The following SMARCD3 variants were observed in gnomAD, a reference collection of about 807,000 sequenced individuals.
SMARCD3 encodes SWI/SNF-related matrix-associated actin-dependent regulator of chromatin subfamily D member 3.
SMARCD3 carries 14 observed loss-of-function variants against 58.0 expected under a neutral mutation model. The ratio of observed to expected loss-of-function variants is 0.24; its 90% CI spans 0.16 to 0.38. SMARCD3 has a LOEUF of 0.38. Among genes scored for constraint, SMARCD3 ranks in the 10% least tolerant of loss-of-function variants. The pLI, the probability that SMARCD3 is intolerant of heterozygous loss-of-function variation, is 1.00. For synonymous variants in SMARCD3, 253 were observed against 253.8 expected (o/e 1.00, Z 0.03); for missense variants, 408 against 636.9 (o/e 0.64, Z 3.87).
intron 2 of SMARCD3, among the ~76,000 whole-genome samples, chr7:151,258,785 G>A (rs73169681): frequency 0.11 from 17,203 of 151,786 alleles, 1,385 homozygotes; most frequent in Non-Finnish European, 0.16. Flanking sequence ...GCTCCCTGTG[G>A]TGCTTTGGAA....
At position 151,239,123 on chromosome 7, in the gene SMARCD3, G is replaced by A; in HGVS notation, c.1432C>T (p.Leu478=). 6.2e-7 allele frequency: 1 copy of A among 1,614,194 alleles called. No homozygotes were observed. Among genetic ancestry groups the A allele is most frequent in the Non-Finnish European group, 8.5e-7 (1 of 1,180,032 alleles). Residue 478 remains leucine (L), a synonymous_variant, in exon 13 of 13, where the codon CTG becomes TTG. Coordinates refer to ENST00000262188, the MANE Select transcript of SMARCD3 (RefSeq NM_001003801.2). This position sits in a 1 kb window ranked among gnomAD's most constrained non-coding sequence, Gnocchi z 7.0. ...GGCTCCTAGGTGTTGCGCACAACCA[G>A]CGACTGCTCCAGCTCCTGCCTGCGC... ...QQRRQELEQS[L]VVRNT
At chr7:151,250,230 G>A (rs941257012), upstream of SMARCD3, among the ~76,000 whole-genome samples, 4 of 152,024 alleles carry the variant, frequency 2.6e-5, no homozygotes, top group Non-Finnish European at 5.9e-5. Context: ...TGTCAGGGAG[G>A]ACATCTGGTC....
At chr7:151,274,055 A>G (rs540415705) in intron 2 of SMARCD3, among the ~76,000 whole-genome samples, 4 of 152,350 alleles carry the variant, frequency 2.6e-5, no homozygotes, top group African/African-American at 2.4e-5. Context: ...GCCATTTCCA[A>G]TTGCACCTTT....
At chr7:151,251,075 G>C (rs1035871604), upstream of SMARCD3, among the ~76,000 whole-genome samples, 6 of 152,118 alleles carry the variant, frequency 3.9e-5, no homozygotes, top group Admixed American at 3.9e-4. Flanking sequence ...CAGAGGAGAT[G>C]CTGGGCACTC....
rs371402018 is a variant in SMARCD3, at chr7:151,241,869, G to A, written c.777+8C>T. The A allele has an allele frequency of 6.2e-5, 100 of 1,604,586 alleles. No individual in the cohort carries two copies. Among genetic ancestry groups the A allele is most frequent in the Non-Finnish European group, 7.9e-5 (93 of 1,174,724 alleles). On this transcript the variant is annotated splice_region_variant and intron_variant, in intron 7 of 12. Coordinates refer to ENST00000262188, the MANE Select transcript of SMARCD3 (RefSeq NM_001003801.2). This position sits in a 1 kb window ranked among gnomAD's most constrained non-coding sequence, Gnocchi z 5.3. Reference sequence around the variant, plus strand: ...TGGCGTGTACGGGGCAGCATGGCAGGTGCAGACCTGGTAGTCCAGCATGAG... The same window carrying A: ...TGGCGTGTACGGGGCAGCATGGCAGATGCAGACCTGGTAGTCCAGCATGAG...
chr7:151,258,024 T>C (rs555716613), intron 2 of SMARCD3, among the ~76,000 whole-genome samples: 5 of 152,062 alleles, frequency 3.3e-5, no homozygotes, highest in African/African-American at 1.2e-4. Flanking sequence ...TCAAACCCCA[T>C]CCTCCGCCCA....
intron 1 of SMARCD3, among the ~76,000 whole-genome samples, chr7:151,247,660 A>G (rs1269644438): frequency 6.6e-6 from 1 of 151,906 alleles, no homozygotes; most frequent in Non-Finnish European, 1.5e-5. Context: ...ACCCATCCCA[A>G]GAGTCGCAGC....
chr7:151,246,785 G>T lies in SMARCD3; in HGVS notation c.79-1114C>A, dbSNP rs924596760. Among the ~76,000 whole-genome samples, 1 of 152,158 alleles carries T rather than the reference G, an allele frequency of 6.6e-6. No homozygotes were observed. The highest frequency in any genetic ancestry group is 1.9e-4 in the East Asian group (1 of 5,192). ...TGTCCAGACTCCAGAAGGGAGATGG[G>T]GAGGGCCAGAGAGAGTTTCAGGGGC... On this transcript the variant is annotated intron_variant, in intron 1 of 12. Transcript: ENST00000262188. This position sits in a 1 kb window ranked among gnomAD's most constrained non-coding sequence, Gnocchi z 4.4.
Position 151,242,446 on chromosome 7 carries a change from C to G in SMARCD3, c.579+35G>C. ...GTTCTCAGTGCAGCCCATGCCCACC[C>G]CAGGACACCTGGAGAGACCTGGGCC... On this transcript the variant is annotated intron_variant, in intron 5 of 12. Coordinates refer to ENST00000262188, the MANE Select transcript of SMARCD3 (RefSeq NM_001003801.2). The surrounding 1 kb of genome is among the most constrained non-coding windows in gnomAD (Gnocchi z 4.7). 1 of 1,607,360 alleles carries G rather than the reference C, an allele frequency of 6.2e-7. No homozygotes were observed. Among genetic ancestry groups the G allele is most frequent in the African/African-American group, 1.3e-5 (1 of 74,922 alleles).
At chr7:151,261,039 G>C (rs1803901396) in intron 2 of SMARCD3, among the ~76,000 whole-genome samples, 1 of 152,194 alleles carries the variant, frequency 6.6e-6, no homozygotes, top group African/African-American at 2.4e-5. Context: ...GACTCACCAA[G>C]GGGTGGGCGG....
intron 2 of SMARCD3, among the ~76,000 whole-genome samples, chr7:151,255,238 C>A (rs191648831): frequency 1.2e-4 from 19 of 152,280 alleles, no homozygotes; most frequent in Admixed American, 1.0e-3. Context: ...TCTCCCCAGC[C>A]CCTGAAACCC....
chr7:151,263,262 T>A (rs571127980), intron 2 of SMARCD3, among the ~76,000 whole-genome samples: 41 of 151,994 alleles, frequency 2.7e-4, no homozygotes, highest in Admixed American at 1.2e-3. Flanking sequence ...GTTTTTTTTT[T>A]AATTAAAAAA....
At chr7:151,271,234 G>A (rs1468559185) in intron 2 of SMARCD3, among the ~76,000 whole-genome samples, 1 of 152,172 alleles carries the variant, frequency 6.6e-6, no homozygotes, top group Non-Finnish European at 1.5e-5. Context: ...TGGGGTGAAG[G>A]TGCTGAAGGC....
Position 151,244,658 on chromosome 7 carries a change from A to G in SMARCD3, c.290+802T>C, listed in dbSNP as rs185844853. On this transcript the variant is annotated intron_variant, in intron 2 of 12. Transcript: ENST00000262188. ...GCTGTACAAAATGACGATGCACTTT[A>G]CTAAAGAATTCATCATGGGATTCCT... is the stretch of plus-strand genomic sequence containing the variant. 5.3e-3 allele frequency among the ~76,000 whole-genome samples: 801 copies of G among 152,382 alleles called. 3 individuals are homozygous for G. Among genetic ancestry groups the G allele is most frequent in the South Asian group, 0.012 (59 of 4,834 alleles).
At chr7:151,259,097 A>T (rs1038233652) in intron 2 of SMARCD3, among the ~76,000 whole-genome samples, 1 of 152,074 alleles carries the variant, frequency 6.6e-6, no homozygotes, top group East Asian at 1.9e-4. Context: ...CACACTTGTA[A>T]TCCCAACACT....
At chr7:151,273,418 A>G (rs542950339) in intron 2 of SMARCD3, among the ~76,000 whole-genome samples, 6 of 152,052 alleles carry the variant, frequency 3.9e-5, no homozygotes, top group Non-Finnish European at 8.8e-5. Flanking sequence ...TATTAGGAGG[A>G]CTCTCCACGT....
rs2150598551 is a variant in SMARCD3 at position 151,248,267 on chromosome 7, C to T, written c.78+218G>A. ...CCGCCCCTGACAAGAGCCATGCAAA[C>T]GCCTCCCTTCCCCGCCTCGCGTCAG... is the stretch of plus-strand genomic sequence containing the variant. On this transcript the variant is annotated intron_variant, in intron 1 of 12. Coordinates refer to ENST00000262188, the MANE Select transcript of SMARCD3 (RefSeq NM_001003801.2). This position sits in a 1 kb window ranked among gnomAD's most constrained non-coding sequence, Gnocchi z 6.1. 6.8e-6 allele frequency among the ~76,000 whole-genome samples: 1 copy of T among 147,748 alleles called. No homozygotes were observed. Among genetic ancestry groups the T allele is most frequent in the South Asian group, 2.2e-4 (1 of 4,576 alleles).
At chr7:151,247,445 G>A (rs920045830) in intron 1 of SMARCD3, among the ~76,000 whole-genome samples, 1 of 152,032 alleles carries the variant, frequency 6.6e-6, no homozygotes, top group Non-Finnish European at 1.5e-5. Flanking sequence ...CAAGGCCAGG[G>A]ATACTGGCCC....
intron 2 of SMARCD3, among the ~76,000 whole-genome samples, chr7:151,264,418 T>C (rs2150611849): frequency 6.6e-6 from 1 of 152,248 alleles, no homozygotes; most frequent in Middle Eastern, 3.4e-3. Context: ...CCTTGGAAAG[T>C]GCCCCAGGAT....
Sources: gnomAD v4.1 joint callset for allele counts (sites outside exome capture counted in the v4.1 genomes callset) on GRCh38, gnomAD v4.1.1 for gene constraint, Gnocchi (gnomAD v3.1) non-coding constraint, MANE v1.5 for transcripts, NCBI Gene and HGNC (gene_info 2026-07-23, HGNC 2026-07-21) for gene names.